Variants in SH3BGRL2 observed in about 807,000 individuals in gnomAD.
The protein encoded by SH3BGRL2 is SH3 domain-binding glutamic acid-rich-like protein 2.
SH3BGRL2 carries 21 observed loss-of-function variants against 14.8 expected under a neutral mutation model. The ratio of observed to expected loss-of-function variants is 1.42; its 90% CI spans 1.01 to 2.05. SH3BGRL2 has a LOEUF of 2.05. Ranked by LOEUF, SH3BGRL2 falls within the 30% of genes most tolerant of loss-of-function variation. The pLI, the probability that SH3BGRL2 is intolerant of heterozygous loss-of-function variation, is 0.00. For synonymous variants in SH3BGRL2, 50 were observed against 47.8 expected (o/e 1.05, Z -0.19); for missense variants, 147 against 130.8 (o/e 1.12, Z -0.61).
At chr6:79,544,993 T>G in the SH3BGRL2 span, among the ~76,000 whole-genome samples, 1 of 152,198 alleles carries the variant, frequency 6.6e-6, no homozygotes, top group Non-Finnish European at 1.5e-5. Context: ...ACTGCTTGAG[T>G]AGCAACTGAT....
chr6:79,540,456 T>A, the SH3BGRL2 span, among the ~76,000 whole-genome samples: 1 of 150,986 alleles, frequency 6.6e-6, no homozygotes, highest in Non-Finnish European at 1.5e-5. Context: ...AATAAATAAA[T>A]AAAATAAATA....
chr6:79,699,568 C>T lies in SH3BGRL2; in HGVS notation c.*59C>T. On this transcript the variant is annotated 3_prime_UTR_variant, in exon 4 of 4. Transcript: ENST00000369838. The stretch of plus-strand genomic sequence containing the variant: ...TGAAGCACCCCTGGTACTCAGCACA[C>T]ACATGCTTACCTAATGCATCACTGT... 2.0e-5 allele frequency: 28 copies of T among 1,428,236 alleles called. No homozygotes were observed. Among genetic ancestry groups the T allele is most frequent in the Non-Finnish European group, 2.5e-5 (27 of 1,082,496 alleles). 88.5% of individuals were successfully genotyped at this position (1,428,236 alleles called of 1,614,324 possible).
chr6:79,581,980 A>T, the SH3BGRL2 span, among the ~76,000 whole-genome samples: 1 of 152,114 alleles, frequency 6.6e-6, no homozygotes, highest in Non-Finnish European at 1.5e-5. Context: ...AAGCAATCCT[A>T]TACACCATTA....
the SH3BGRL2 span, among the ~76,000 whole-genome samples, chr6:79,560,793 T>C: frequency 6.6e-6 from 1 of 150,558 alleles, no homozygotes; most frequent in Non-Finnish European, 1.5e-5. Context: ...AGGCCACATA[T>C]ATCTTTAACA....
intron 1 of SH3BGRL2, among the ~76,000 whole-genome samples, chr6:79,665,195 G>A (rs551214601): frequency 1.1e-4 from 17 of 152,242 alleles, no homozygotes; most frequent in African/African-American, 3.6e-4. Context: ...GCGAGACTCC[G>A]TCTCTAAATA....
the SH3BGRL2 span, among the ~76,000 whole-genome samples, chr6:79,538,021 T>TTTTG: frequency 1.6e-5 from 1 of 62,942 alleles, no homozygotes; most frequent in Non-Finnish European, 2.9e-5. Context: ...CACACAAGTT[T>TTTTG]TTTTTTTTTT....
the SH3BGRL2 span, among the ~76,000 whole-genome samples, chr6:79,608,746 G>A: frequency 6.6e-6 from 1 of 152,118 alleles, no homozygotes; most frequent in Admixed American, 6.5e-5. Context: ...CTGCCTATAG[G>A]TGAGAACCCC....
intron 3 of SH3BGRL2, 86 bp from the exon 4 acceptor site, chr6:79,699,412 A>T (rs1770402750): frequency 2.1e-6 from 3 of 1,433,560 alleles, no homozygotes; most frequent in Non-Finnish European, 1.8e-6. Flanking sequence ...CTGACATTTA[A>T]AAAACCCCTG....
the SH3BGRL2 span, among the ~76,000 whole-genome samples, chr6:79,590,540 C>T: frequency 6.8e-6 from 1 of 147,634 alleles, no homozygotes; most frequent in Non-Finnish European, 1.5e-5. Flanking sequence ...CTGTTGGAGG[C>T]CATTATCCTA....
the SH3BGRL2 span, among the ~76,000 whole-genome samples, chr6:79,620,665 G>T: frequency 6.6e-6 from 1 of 151,944 alleles, no homozygotes; most frequent in African/African-American, 2.4e-5. Context: ...TATGGGGAAA[G>T]GAGATAAAAG....
At chr6:79,584,657 G>A in the SH3BGRL2 span, among the ~76,000 whole-genome samples, 6 of 151,964 alleles carry the variant, frequency 3.9e-5, no homozygotes, top group Admixed American at 3.9e-4. Context: ...CACATAGAGG[G>A]GAACATATGA....
chr6:79,603,798 A>G, the SH3BGRL2 span, among the ~76,000 whole-genome samples: 2 of 152,072 alleles, frequency 1.3e-5, no homozygotes, highest in South Asian at 4.2e-4. Context: ...TCCCCAGACC[A>G]CTTTTCTTTT....
chr6:79,659,813 T>G (rs530500431), intron 1 of SH3BGRL2, among the ~76,000 whole-genome samples: 31 of 152,152 alleles, frequency 2.0e-4, no homozygotes, highest in Non-Finnish European at 3.8e-4. Flanking sequence ...CTCTTATTTC[T>G]TTGAGCAGTG....
the SH3BGRL2 span, among the ~76,000 whole-genome samples, chr6:79,551,317 G>A: frequency 2.2e-4 from 34 of 152,308 alleles, no homozygotes; most frequent in African/African-American, 7.9e-4. Flanking sequence ...GCAATATTCA[G>A]GGAGCCATGG....
chr6:79,596,391 C>G, the SH3BGRL2 span, among the ~76,000 whole-genome samples: 4 of 152,196 alleles, frequency 2.6e-5, no homozygotes, highest in African/African-American at 9.6e-5. Flanking sequence ...AACTCCTGGG[C>G]TCAAACGATC....
intron 2 of SH3BGRL2, among the ~76,000 whole-genome samples, chr6:79,676,103 G>A (rs1266611902): frequency 6.6e-6 from 1 of 152,110 alleles, no homozygotes; most frequent in Non-Finnish European, 1.5e-5. Flanking sequence ...TTTCTGGAGA[G>A]TGGCCTTTCA....
chr6:79,615,858 G>A, the SH3BGRL2 span, among the ~76,000 whole-genome samples: 1 of 108,976 alleles, frequency 9.2e-6, no homozygotes, highest in Non-Finnish European at 1.8e-5. Context: ...TTAGACAAGA[G>A]TTTTGCTATT....
upstream of SH3BGRL2, among the ~76,000 whole-genome samples, chr6:79,626,950 G>A (rs1768744119): frequency 6.6e-6 from 1 of 152,130 alleles, no homozygotes. Context: ...AAAGGAGGGG[G>A]ATTATGAAAC....
At chr6:79,597,013 T>C in the SH3BGRL2 span, among the ~76,000 whole-genome samples, 1 of 152,130 alleles carries the variant, frequency 6.6e-6, no homozygotes, top group Non-Finnish European at 1.5e-5. Context: ...GTGGATCCAG[T>C]GAGGTCAGGA....
Sources: gnomAD v4.1 joint callset for allele counts (sites outside exome capture counted in the v4.1 genomes callset) on GRCh38, gnomAD v4.1.1 for gene constraint, MANE v1.5 for transcripts, NCBI Gene and HGNC (gene_info 2026-07-23, HGNC 2026-07-21) for gene names.